SFI1: variants seen among roughly 807,000 people sequenced by gnomAD.
SFI1 encodes the protein SFI1 centrin binding protein.
A neutral mutation model predicts 207.5 loss-of-function variants in SFI1; 195 were observed. The observed-to-expected ratio is 0.94, with a 90% CI of 0.84 to 1.06. The LOEUF (loss-of-function observed/expected upper bound fraction) is 1.06. Ranked by LOEUF, SFI1 falls within the 50% of genes least tolerant of loss-of-function variation. The pLI, the probability that SFI1 is intolerant of heterozygous loss-of-function variation, is 0.00. For synonymous variants in SFI1, 630 were observed against 598.9 expected (o/e 1.05, Z -0.76); for missense variants, 1,634 against 1,588.0 (o/e 1.03, Z -0.49).
intron 31 of SFI1, 149 bp downstream of exon 31, chr22:31,617,227 G>A (rs5753727): frequency 3.9e-6 from 3 of 759,948 alleles, no homozygotes; most frequent in South Asian, 1.8e-5. Flanking sequence ...GGAGCCCTCA[G>A]TGTGTGCTGT....
At chr22:31,560,216 T>C (rs922310452) in intron 7 of SFI1, among the ~76,000 whole-genome samples, 1 of 151,868 alleles carries the variant, frequency 6.6e-6, no homozygotes, top group Non-Finnish European at 1.5e-5. Context: ...TAAACTCTTA[T>C]TTCCCCATGA....
chr22:31,547,489 T>C lies in SFI1; in HGVS notation c.449+518T>C, dbSNP rs572217461. ...TCACGCCTGGCTAATTTTTGTAGTT[T>C]TAGTAGAGACAGGGTTATTTCATGT... On this transcript the variant is annotated intron_variant, in intron 5 of 32. Coordinates refer to ENST00000400288, the MANE Select transcript of SFI1 (RefSeq NM_001007467.3). Among the ~76,000 whole-genome samples the C allele has an allele frequency of 9.2e-5, 14 of 151,840 alleles. No individual in the cohort carries two copies. The East Asian group carries it at 2.7e-3, about 30-fold the overall frequency.
chr22:31,580,502 G>T, intron 12 of SFI1, 138 bp downstream of exon 12: 37 of 421,698 alleles, frequency 8.8e-5, no homozygotes, highest in East Asian at 2.0e-4. Context: ...ACTGTCAACT[G>T]TAAAACCTTA....
intron 4 of SFI1, among the ~76,000 whole-genome samples, chr22:31,543,724 C>A (rs1251122031): frequency 3.3e-5 from 5 of 151,672 alleles, no homozygotes; most frequent in African/African-American, 1.2e-4. Context: ...GCAGGAGAAT[C>A]CTTTGAACCT....
At chr22:31,587,305 G>GTTTTT (rs751666932) in intron 14 of SFI1, 2 of 397,056 alleles carry the variant, frequency 5.0e-6, no homozygotes, top group South Asian at 1.9e-5. Context: ...CAATTTATTT[G>GTTTTT]TTTTGTTTTG....
At chr22:31,504,310 C>T (rs912515513) in intron 1 of SFI1, among the ~76,000 whole-genome samples, 4 of 152,162 alleles carry the variant, frequency 2.6e-5, no homozygotes, top group Admixed American at 6.6e-5. Flanking sequence ...ATGATGACCT[C>T]TGTTACTTGG....
At chr22:31,499,290 G>A (rs927487320) in intron 1 of SFI1, among the ~76,000 whole-genome samples, 7 of 152,100 alleles carry the variant, frequency 4.6e-5, no homozygotes, top group Admixed American at 3.3e-4. Context: ...CGCCTCCCGG[G>A]TTCAAGTGAT....
chr22:31,541,920 G>A (rs1482902835), intron 4 of SFI1, among the ~76,000 whole-genome samples: 3 of 151,598 alleles, frequency 2.0e-5, no homozygotes, highest in East Asian at 1.9e-4. Flanking sequence ...GGCTAACATG[G>A]TGAAACCCCG....
intron 4 of SFI1, among the ~76,000 whole-genome samples, chr22:31,540,536 T>C (rs1229613387): frequency 6.6e-6 from 1 of 151,400 alleles, no homozygotes; most frequent in East Asian, 1.9e-4. Context: ...CACCTTGACC[T>C]CCCAAAGTGC....
chr22:31,519,006 G>C (rs1382379815), intron 2 of SFI1, among the ~76,000 whole-genome samples: 1 of 152,156 alleles, frequency 6.6e-6, no homozygotes, highest in Admixed American at 6.6e-5. Context: ...TCCAGACTAT[G>C]CCCTGTGCCC....
At chr22:31,606,572 C>T (rs147298227) in intron 21 of SFI1, 142 bp downstream of exon 21, 7,651 of 604,432 alleles carry the variant, frequency 0.013, 58 homozygotes, top group Non-Finnish European at 0.016. Context: ...AGCACACACA[C>T]AAACATCCAT....
intron 4 of SFI1, among the ~76,000 whole-genome samples, chr22:31,536,237 G>C (rs533055719): frequency 1.3e-5 from 2 of 152,178 alleles, no homozygotes; most frequent in Non-Finnish European, 2.9e-5. Flanking sequence ...GTGCTGGAGA[G>C]GATAAAACTC....
chr22:31,571,720 G>A (rs1165523064), intron 8 of SFI1, among the ~76,000 whole-genome samples: 1 of 152,034 alleles, frequency 6.6e-6, no homozygotes, highest in Non-Finnish European at 1.5e-5. Flanking sequence ...ATCTTAAAGT[G>A]TATATCTCCT....
At chr22:31,595,305 G>A (rs1182030023) in intron 15 of SFI1, among the ~76,000 whole-genome samples, 1 of 152,186 alleles carries the variant, frequency 6.6e-6, no homozygotes, top group East Asian at 1.9e-4. Flanking sequence ...CTGTAATGAA[G>A]AAATTATTAA....
intron 10 of SFI1, among the ~76,000 whole-genome samples, chr22:31,575,711 T>C (rs1248959617): frequency 6.6e-6 from 1 of 152,236 alleles, no homozygotes; most frequent in Non-Finnish European, 1.5e-5. Context: ...AATCCCACTT[T>C]CCTGATTCAC....
chr22:31,604,536 G>T, intron 19 of SFI1, 132 bp downstream of exon 19: 2 of 779,778 alleles, frequency 2.6e-6, no homozygotes, highest in Non-Finnish European at 3.9e-6. Context: ...CCAAGCAGGT[G>T]CCCCGGACAG....
chr22:31,614,146 G>A (rs915873252), intron 27 of SFI1: 2 of 434,578 alleles, frequency 4.6e-6, no homozygotes, highest in Admixed American at 3.7e-5. Flanking sequence ...CTGCTGACAC[G>A]ATCTTTTCCG....
intron 21 of SFI1, among the ~76,000 whole-genome samples, chr22:31,607,064 A>AAAAAG (rs372043303): frequency 4.6e-5 from 7 of 152,012 alleles, no homozygotes; most frequent in Non-Finnish European, 8.8e-5. Context: ...TTGTCTCAAA[A>AAAAAG]AAAAGAAAAG....
intron 4 of SFI1, among the ~76,000 whole-genome samples, chr22:31,535,182 T>C (rs2058862833): frequency 7.5e-6 from 1 of 133,938 alleles, no homozygotes; most frequent in African/African-American, 2.7e-5. Context: ...TGCTTTTTTA[T>C]TGCTTTTTTT....
Sources: gnomAD v4.1 joint callset for allele counts (sites outside exome capture counted in the v4.1 genomes callset) on GRCh38, gnomAD v4.1.1 for gene constraint, MANE v1.5 for transcripts, NCBI Gene and HGNC (gene_info 2026-07-23, HGNC 2026-07-21) for gene names.